The following SHROOM3 variants were observed in gnomAD, a reference collection of about 807,000 sequenced individuals.
SHROOM3 encodes the protein shroom family member 3.
SHROOM3 carries 47 observed loss-of-function variants against 138.6 expected under a neutral mutation model. The ratio of observed to expected loss-of-function variants is 0.34; its 90% CI spans 0.27 to 0.43. SHROOM3 has a LOEUF of 0.43. SHROOM3 is among the 20% of genes least tolerant of loss of function. The pLI is 1.00. For synonymous variants in SHROOM3, 1,062 were observed against 1,063.3 expected, an observed-to-expected ratio of 1.00 and a Z score of 0.02; for missense variants, 2,491 against 2,596.5, an observed-to-expected ratio of 0.96 and a Z score of 0.88.
At chr4:76,710,619 C>T (rs1304133332) in intron 3 of SHROOM3, among the ~76,000 whole-genome samples, 4 of 152,096 alleles carry the variant, frequency 2.6e-5, no homozygotes, top group Non-Finnish European at 5.9e-5. Context: ...AAAAGTGATA[C>T]ACTTATGTTT....
At position 76,590,435 on chromosome 4, in the gene SHROOM3, G is replaced by A. The variant is rs117216762; in HGVS notation, c.323+34672G>A. Among the ~76,000 whole-genome samples, 105 of 152,098 alleles carry A rather than the reference G, an allele frequency of 6.9e-4. 3 individuals are homozygous for A. The East Asian group carries it at 0.02, about 28-fold the overall frequency. ...TGGAGGCCGCAGAGCTCCGAGCTCAGGCCTGAGAACTGTTCTTGTGGCCAT... is the reference window on the plus strand; with the variant it reads ...TGGAGGCCGCAGAGCTCCGAGCTCAAGCCTGAGAACTGTTCTTGTGGCCAT... On this transcript the variant is annotated intron_variant, in intron 2 of 10. Coordinates refer to ENST00000296043, the MANE Select transcript of SHROOM3 (RefSeq NM_020859.4).
chr4:76,591,765 A>G (rs1046590205), intron 2 of SHROOM3, among the ~76,000 whole-genome samples: 22 of 152,156 alleles, frequency 1.4e-4, no homozygotes, highest in African/African-American at 5.1e-4. Context: ...TTTTCTTTCT[A>G]TAAAGTCCTG....
chr4:76,696,122 A>G (rs1274795608), intron 2 of SHROOM3, among the ~76,000 whole-genome samples: 1 of 152,226 alleles, frequency 6.6e-6, no homozygotes, highest in East Asian at 1.9e-4. Flanking sequence ...AGAACCTACA[A>G]GGATCTTAGC....
chr4:76,509,807 AT>A (rs1252573747), intron 1 of SHROOM3: 1 of 151,828 alleles, frequency 6.6e-6, no homozygotes, highest in African/African-American at 2.4e-5. Flanking sequence ...TTTTTACCTA[AT>A]TTTTTCCATA....
At chr4:76,743,013 C>G (rs996122678) in intron 5 of SHROOM3, among the ~76,000 whole-genome samples, 14 of 152,106 alleles carry the variant, frequency 9.2e-5, no homozygotes, top group Admixed American at 4.6e-4. Flanking sequence ...AGGAATACGA[C>G]CTTATATGTA....
In SHROOM3 at chr4:76,740,543, G is replaced by C. The variant is rs190661132; in HGVS notation, c.2370G>C (p.Gln790His). 1 of 1,614,130 alleles carries C rather than the reference G, an allele frequency of 6.2e-7. No homozygotes were observed. The highest frequency in any genetic ancestry group is 2.2e-5 in the East Asian group (1 of 44,880). Reference protein sequence around the residue: ...SVLEKVSKFEQREQGSQRPSV... With the variant: ...SVLEKVSKFEHREQGSQRPSV... ...TGGAGAAGGTCTCCAAATTCGAGCAGCGAGAGCAAGGGAGCCAGAGACCGA... is the reference window on the plus strand; with the variant it reads ...TGGAGAAGGTCTCCAAATTCGAGCACCGAGAGCAAGGGAGCCAGAGACCGA... The change falls in exon 5 of 11, where the codon CAG becomes CAC. Residue 790 changes from glutamine (Q) to histidine (H), a missense_variant. By Grantham distance (24) the Gln-to-His change is conservative. This residue lies in a region of SHROOM3 where 1,733 missense variants were observed against 1,661.6 expected (regional missense o/e 1.04). Coordinates refer to ENST00000296043, the MANE Select transcript of SHROOM3 (RefSeq NM_020859.4). This position sits in a 1 kb window ranked among gnomAD's most constrained non-coding sequence, Gnocchi z 4.0.
In SHROOM3 at chr4:76,740,446, G is replaced by A. The variant is rs772918332; in HGVS notation, c.2273G>A (p.Arg758Gln). 2.7e-5 allele frequency: 44 copies of A among 1,611,808 alleles called. No homozygotes were observed. Among genetic ancestry groups the A allele is most frequent in the Middle Eastern group, 1.6e-4 (1 of 6,078 alleles). Residue 758 changes from arginine (R) to glutamine (Q), a missense_variant, in exon 5 of 11, where the codon CGG becomes CAG. Transcript: ENST00000296043. The surrounding 1 kb of genome is among the most constrained non-coding windows in gnomAD (Gnocchi z 4.0). ...PSHPHTSSLG[R>Q]RGPGPGSASA... ...CACCCGCACACATCCAGTCTGGGCC[G>A]GAGGGGGCCCGGCCCAGGCAGCGCC...
intron 2 of SHROOM3, among the ~76,000 whole-genome samples, chr4:76,606,411 T>C (rs563566524): frequency 4.6e-5 from 7 of 152,220 alleles, no homozygotes; most frequent in African/African-American, 1.4e-4. Flanking sequence ...GTTTTTTATC[T>C]GTAAAATGAT....
chr4:76,741,628 A>G lies in SHROOM3; in HGVS notation c.3455A>G (p.Glu1152Gly). The change falls in exon 5 of 11, where the codon GAG (glutamate) becomes GGG (glycine). Residue 1152 changes from glutamate to glycine, a missense_variant. Glu to Gly is a moderately conservative substitution (Grantham distance 98). Coordinates refer to ENST00000296043, the MANE Select transcript of SHROOM3 (RefSeq NM_020859.4). This position sits in a 1 kb window ranked among gnomAD's most constrained non-coding sequence, Gnocchi z 6.2. ...LREPSLQPRREATLLPATVAE... is the reference protein window; with the variant it reads ...LREPSLQPRRGATLLPATVAE... ...GAGCCCAGCCTGCAGCCCCGCAGGG[A>G]GGCCACGCTCCTGCCGGCCACAGTT... The G allele has an allele frequency of 6.5e-7, 1 of 1,542,232 alleles. No homozygotes were observed. The highest frequency in any genetic ancestry group is 8.7e-7 in the Non-Finnish European group (1 of 1,149,324).
At chr4:76,588,866 C>T (rs1734204291) in intron 2 of SHROOM3, among the ~76,000 whole-genome samples, 1 of 151,054 alleles carries the variant, frequency 6.6e-6, no homozygotes. Flanking sequence ...GGCCAAACCC[C>T]TAAAAGGCAT....
In SHROOM3 at chr4:76,738,858, A is replaced by C. The variant is rs748998507; in HGVS notation, c.685A>C (p.Ser229Arg). The C allele has an allele frequency of 3.7e-6, 6 of 1,614,098 alleles. No homozygotes were observed. Among genetic ancestry groups the C allele is most frequent in the African/African-American group, 2.7e-5 (2 of 74,932 alleles). The change falls in exon 5 of 11, where the codon AGT becomes CGT. Residue 229 changes from serine to arginine, a missense_variant. Transcript: ENST00000296043. Reference protein sequence around the residue: ...SQGSMESLEPSGAYPPCHLSP... With the variant: ...SQGSMESLEPRGAYPPCHLSP... Reference sequence around the variant, plus strand: ...GGGGAGCATGGAGAGCCTGGAGCCCAGTGGGGCATACCCACCCTGTCATCT... The same window carrying C: ...GGGGAGCATGGAGAGCCTGGAGCCCCGTGGGGCATACCCACCCTGTCATCT...
chr4:76,481,622 T>TC (rs749577513), intron 1 of SHROOM3, among the ~76,000 whole-genome samples: 48 of 152,010 alleles, frequency 3.2e-4, no homozygotes, highest in Non-Finnish European at 6.2e-4. Flanking sequence ...AAAGAGGGAC[T>TC]CCCCCCTAAC....
At chr4:76,773,391 A>G (rs1051850007) in intron 10 of SHROOM3, among the ~76,000 whole-genome samples, 47 of 149,506 alleles carry the variant, frequency 3.1e-4, no homozygotes, top group African/African-American at 1.1e-3. Context: ...AAAAAAAAAA[A>G]GAGCTATGGG....
chr4:76,737,619 G>A (rs1336319582), intron 4 of SHROOM3, among the ~76,000 whole-genome samples: 2 of 151,936 alleles, frequency 1.3e-5, no homozygotes, highest in South Asian at 2.1e-4. Flanking sequence ...GATTTTGGCC[G>A]TTCTAATAGG....
chr4:76,688,101 G>A (rs891516553), intron 2 of SHROOM3, among the ~76,000 whole-genome samples: 2 of 152,188 alleles, frequency 1.3e-5, no homozygotes, highest in Admixed American at 1.3e-4. Flanking sequence ...CACAGGACAC[G>A]AGGACACAGA....
chr4:76,501,633 C>G (rs1732098273), intron 1 of SHROOM3, among the ~76,000 whole-genome samples: 1 of 152,054 alleles, frequency 6.6e-6, no homozygotes, highest in South Asian at 2.1e-4. Context: ...CAGCCCTAAT[C>G]CACCAACTTG....
intron 2 of SHROOM3, among the ~76,000 whole-genome samples, chr4:76,706,417 A>G (rs72663215): frequency 0.13 from 19,310 of 152,140 alleles, 1,486 homozygotes; most frequent in East Asian, 0.21. Context: ...CTGGCCGAAA[A>G]GAATGTTATT....
intron 1 of SHROOM3, among the ~76,000 whole-genome samples, chr4:76,475,360 G>T (rs1345942923): frequency 6.6e-6 from 1 of 152,116 alleles, no homozygotes; most frequent in Non-Finnish European, 1.5e-5. Context: ...TTCACTAAGG[G>T]TTGTCAAGGA....
chr4:76,736,320 C>T (rs1482690732), intron 4 of SHROOM3, among the ~76,000 whole-genome samples: 4 of 152,086 alleles, frequency 2.6e-5, no homozygotes, highest in Non-Finnish European at 5.9e-5. Flanking sequence ...TATTTCCTTC[C>T]TTTCTCCCTT....
Sources: allele counts gnomAD v4.1 joint callset (sites outside exome capture counted in the v4.1 genomes callset), GRCh38; gene constraint gnomAD v4.1.1; regional missense constraint gnomAD v4.1.1; non-coding constraint Gnocchi (gnomAD v3.1); transcripts MANE v1.5; gene names NCBI Gene and HGNC (gene_info 2026-07-23, HGNC 2026-07-21).